Variants in PPM1G observed in about 807,000 individuals in gnomAD.
PPM1G encodes protein phosphatase, Mg2+/Mn2+ dependent 1G.
In PPM1G, 12 loss-of-function variants were observed where a neutral mutation model predicts 59.4. The observed-to-expected ratio is 0.20, with a 90% CI of 0.13 to 0.33. The LOEUF is 0.33. Ranked by LOEUF, PPM1G falls within the 10% of genes least tolerant of loss-of-function variation. The pLI is 1.00. For missense variants in PPM1G, 392 were observed against 681.3 expected, an observed-to-expected ratio of 0.58 and a Z score of 4.73; for synonymous variants, 245 against 251.9, an observed-to-expected ratio of 0.97 and a Z score of 0.26.
intron 1 of PPM1G, among the ~76,000 whole-genome samples, chr2:27,390,572 C>T (rs961031574): frequency 7.2e-5 from 11 of 152,054 alleles, no homozygotes; most frequent in African/African-American, 2.2e-4. Context: ...CAACAACATC[C>T]GTAAACAGCC....
At chr2:27,397,746 G>A (rs1684086837) in intron 1 of PPM1G, among the ~76,000 whole-genome samples, 1 of 152,170 alleles carries the variant, frequency 6.6e-6, no homozygotes, top group African/African-American at 2.4e-5. Context: ...GTGCATGCAT[G>A]TAATCCCAGC....
chr2:27,386,492 C>T (rs1474839749), intron 2 of PPM1G: 4 of 406,248 alleles, frequency 9.8e-6, no homozygotes, highest in East Asian at 4.0e-5. Flanking sequence ...AATATCTCGT[C>T]TTTTCTCACC....
chr2:27,392,721 T>A (rs747910369), intron 1 of PPM1G: 1 of 964,844 alleles, frequency 1.0e-6, no homozygotes, highest in South Asian at 1.3e-5. Flanking sequence ...AACCCCAACA[T>A]ACATGCGCTG....
intron 1 of PPM1G, chr2:27,393,391 G>GGCA: frequency 1.4e-6 from 2 of 1,447,900 alleles, no homozygotes; most frequent in Non-Finnish European, 1.9e-6. Flanking sequence ...GAGAGGCGGC[G>GGCA]GCAGCGGCAG....
Position 27,381,307 on chromosome 2 carries a change from A to T in PPM1G, c.*292T>A. 2.1e-6 allele frequency: 1 copy of T among 485,902 alleles called. No homozygotes were observed. The highest frequency in any genetic ancestry group is 3.7e-6 in the Non-Finnish European group (1 of 267,720). The allele number at this position is 485,902 out of a possible 1,614,324, so 30.1% of individuals were successfully genotyped here. A position where few individuals can be genotyped will look rare whatever the true frequency, so the allele number is the denominator to read the frequency against. ...CCGCCAATAAAAAAGAATGTCCTTA[A>T]ATAAAGTTCACAGAGTAAAAACCAG... On this transcript the variant is annotated 3_prime_UTR_variant, in exon 10 of 10. Transcript: ENST00000344034.
chr2:27,409,394 G>C lies in PPM1G; in HGVS notation c.29C>G (p.Thr10Arg), dbSNP rs1378926403. 2 of 1,537,852 alleles carry C rather than the reference G, an allele frequency of 1.3e-6. No homozygotes were observed. The highest frequency in any genetic ancestry group is 1.2e-5 in the South Asian group (1 of 83,152). MGAYLSQPN[T>R]VKCSGDGVGA... ...GACCCCGTCCCCGGAGCACTTCACC[G>C]TGTTGGGCTGGGAGAGGTAGGCACC... The change falls in exon 1 of 10, where the codon ACG (threonine) becomes AGG (arginine). Residue 10 changes from threonine (T) to arginine (R), a missense_variant. Transcript: ENST00000344034.
intron 1 of PPM1G, among the ~76,000 whole-genome samples, chr2:27,405,909 A>C (rs1663350039): frequency 6.6e-6 from 1 of 152,024 alleles, no homozygotes; most frequent in Non-Finnish European, 1.5e-5. Flanking sequence ...AGGCTGAGGC[A>C]GGAGAATCGC....
chr2:27,409,176 CA>C, intron 1 of PPM1G, 126 bp downstream of exon 1: 4 of 1,339,902 alleles, frequency 3.0e-6, no homozygotes, highest in Non-Finnish European at 3.9e-6. Context: ...TGTCGCCCCG[CA>C]AACGGCCGCT....
In PPM1G at chr2:27,382,172, C is replaced by A. The variant is rs867789107; in HGVS notation, c.1388G>T (p.Arg463Leu). 1.1e-5 allele frequency: 17 copies of A among 1,614,230 alleles called. No individual in the cohort carries two copies. Among genetic ancestry groups the A allele is most frequent in the Non-Finnish European group, 1.4e-5 (17 of 1,180,040 alleles). ...TAACCGAAGCTCCCCATTTTCATCA[C>A]GCTGGCTGATCTTTGATTGAATGAA... is the stretch of plus-strand genomic sequence containing the variant. Reference protein sequence around the residue: ...VDFIQSKISQRDENGELRLLS... With the variant: ...VDFIQSKISQLDENGELRLLS... Residue 463 changes from arginine to leucine, a missense_variant, in exon 9 of 10, where the codon CGT (arginine) becomes CTT (leucine). Arg to Leu is a moderately radical substitution (Grantham distance 102). Transcript: ENST00000344034. This position sits in a 1 kb window ranked among gnomAD's most constrained non-coding sequence, Gnocchi z 4.2.
rs1683708868 is a variant in PPM1G at position 27,384,218 on chromosome 2, T to C, written c.826-126A>G. The C allele has an allele frequency of 6.8e-7, 1 of 1,474,638 alleles. No homozygotes were observed. Among genetic ancestry groups the C allele is most frequent in the Non-Finnish European group, 9.1e-7 (1 of 1,097,260 alleles). 91.3% of individuals were successfully genotyped at this position (1,474,638 alleles called of 1,614,324 possible). On this transcript the variant is annotated intron_variant, in intron 5 of 9. Coordinates refer to ENST00000344034, the MANE Select transcript of PPM1G (RefSeq NM_177983.3). This position sits in a 1 kb window ranked among gnomAD's most constrained non-coding sequence, Gnocchi z 4.8. ...CAAAACACTGAAAGATACAAGTATA[T>C]GGTCATGAAAATTGGGGGGATGGAA...
At chr2:27,398,139 G>A (rs188613920) in intron 1 of PPM1G, among the ~76,000 whole-genome samples, 1 of 152,332 alleles carries the variant, frequency 6.6e-6, no homozygotes. Flanking sequence ...CCAAGATAGT[G>A]TATTACTGGC....
At chr2:27,386,998 G>T in intron 2 of PPM1G, 91 bp downstream of exon 2, 1 of 1,009,818 alleles carries the variant, frequency 9.9e-7, no homozygotes, top group Non-Finnish European at 1.6e-6. Context: ...GCCAGACCCT[G>T]GAAAGTAAAT....
rs143307663 is a variant in PPM1G, at chr2:27,384,934, C to T, written c.564G>A (p.Gly188=). The change falls in exon 5 of 10, where the codon GGG becomes GGA. Residue 188 remains glycine (G), a synonymous_variant. Coordinates refer to ENST00000344034, the MANE Select transcript of PPM1G (RefSeq NM_177983.3). The surrounding 1 kb of genome is among the most constrained non-coding windows in gnomAD (Gnocchi z 4.8). The part of the protein sequence containing the change: ...GEEPGSQGLN[G]EAGPEDSTRE... The stretch of plus-strand genomic sequence containing the variant: ...TAGTTGAGTCCTCAGGTCCTGCCTC[C>T]CCATTGAGGCCCTGGGACCCTGGTT... 1 of 1,614,088 alleles carries T rather than the reference C, an allele frequency of 6.2e-7. No individual in the cohort carries two copies. Among genetic ancestry groups the T allele is most frequent in the Non-Finnish European group, 8.5e-7 (1 of 1,180,052 alleles).
In PPM1G at chr2:27,381,783, G is replaced by C. The variant is rs776100043; in HGVS notation, c.1457C>G (p.Pro486Arg). 6.2e-7 allele frequency: 1 copy of C among 1,612,974 alleles called. No individual in the cohort carries two copies. ...CCCTGTACCATCCCCAGAAGTGTCTGGTGCCAGGCACTGATCCAGCAGCTA... is the reference window on the plus strand; with the variant it reads ...CCCTGTACCATCCCCAGAAGTGTCTCGTGCCAGGCACTGATCCAGCAGCTA... ...VEELLDQCLA[P>R]DTSGDGTGCD... Residue 486 changes from proline to arginine, a missense_variant, in exon 10 of 10, where the codon CCA becomes CGA. By Grantham distance (103) the Pro-to-Arg change is moderately radical. Transcript: ENST00000344034.
At chr2:27,386,083 G>C in intron 3 of PPM1G, 111 bp downstream of exon 3, 1 of 1,254,370 alleles carries the variant, frequency 8.0e-7, no homozygotes. Flanking sequence ...AATTCTTCAA[G>C]AGTAAATAAG....
chr2:27,384,785 C>T lies in PPM1G; in HGVS notation c.713G>A (p.Gly238Glu), dbSNP rs1199050620. 2.5e-6 allele frequency: 4 copies of T among 1,614,208 alleles called. No homozygotes were observed. The highest frequency in any genetic ancestry group is 3.4e-6 in the Non-Finnish European group (4 of 1,180,038). Residue 238 changes from glycine to glutamate, a missense_variant, in exon 5 of 10, where the codon GGG becomes GAG. Around this residue, in one of 6 missense-constraint regions of PPM1G, gnomAD observed 188 missense variants for 248.8 expected, o/e 0.76. Coordinates refer to ENST00000344034, the MANE Select transcript of PPM1G (RefSeq NM_177983.3). The surrounding 1 kb of genome is among the most constrained non-coding windows in gnomAD (Gnocchi z 4.8). Reference sequence around the variant, plus strand: ...GTCAGAGGCTGAAGAGCAGGAAGGCCCAGCCTCACCAGTGGGAATGCCAGG... The same window carrying T: ...GTCAGAGGCTGAAGAGCAGGAAGGCTCAGCCTCACCAGTGGGAATGCCAGG... Reference protein sequence around the residue: ...GEPGIPTGEAGPSCSSASDKL... With the variant: ...GEPGIPTGEAEPSCSSASDKL...
rs145171832 is a variant in PPM1G at position 27,406,676 on chromosome 2, C to G, written c.120+2627G>C. Among the ~76,000 whole-genome samples the G allele has an allele frequency of 4.8e-3, 731 of 152,160 alleles. 9 individuals carry two copies. Among genetic ancestry groups the G allele is most frequent in the African/African-American group, 0.017 (713 of 41,506 alleles). On this transcript the variant is annotated intron_variant, in intron 1 of 9. Transcript: ENST00000344034. ...TAAAGGGAAATGCCCTACAGAGAAG[C>G]AGCAAATAGTATGGAATCACTGGGC...
chr2:27,408,299 CCCT>C (rs1663429434), intron 1 of PPM1G, among the ~76,000 whole-genome samples: 1 of 152,096 alleles, frequency 6.6e-6, no homozygotes, highest in African/African-American at 2.4e-5. Context: ...GGTGGAGAAA[CCCT>C]CAATACCAGA....
chr2:27,395,041 C>G (rs953674117), intron 1 of PPM1G, among the ~76,000 whole-genome samples: 1 of 151,886 alleles, frequency 6.6e-6, no homozygotes, highest in African/African-American at 2.4e-5. Flanking sequence ...ATCAGCCTGA[C>G]CAACATGGTG....
Sources: gnomAD v4.1 joint callset for allele counts (sites outside exome capture counted in the v4.1 genomes callset) on GRCh38, gnomAD v4.1.1 for gene constraint, gnomAD v4.1.1 regional missense constraint, Gnocchi (gnomAD v3.1) non-coding constraint, MANE v1.5 for transcripts, NCBI Gene and HGNC (gene_info 2026-07-23, HGNC 2026-07-21) for gene names.